Variants in CBR1 observed in about 807,000 individuals in gnomAD.
CBR1 encodes the protein carbonyl reductase 1.
CBR1 carries 11 observed loss-of-function variants against 10.6 expected under a neutral mutation model. That is an observed-to-expected ratio of 1.03 (90% CI 0.65 to 1.71). The LOEUF is 1.71. Ranked by LOEUF, CBR1 falls within the 40% of genes most tolerant of loss-of-function variation. The pLI, the probability that CBR1 is intolerant of heterozygous loss-of-function variation, is 0.00. For missense variants in CBR1, 361 were observed against 368.6 expected (o/e 0.98, Z 0.17); for synonymous variants, 158 against 156.7 (o/e 1.01, Z -0.06).
At position 36,072,963 on chromosome 21, in the gene CBR1, ATATCCT is replaced by A; in HGVS notation, c.*85_*90del. The A allele has an allele frequency of 1.1e-6, 1 of 905,878 alleles. No individual in the cohort carries two copies. The highest frequency in any genetic ancestry group is 2.5e-5 in the East Asian group (1 of 39,942). The allele number at this position is 905,878 out of a possible 1,614,324, so 56.1% of individuals were successfully genotyped here. On this transcript the variant is annotated 3_prime_UTR_variant, in exon 3 of 3. Coordinates refer to ENST00000290349, the MANE Select transcript of CBR1 (RefSeq NM_001757.4). ...CCAAAGGGCATTTACAATGTCATAAATATCCTTATATAAGAAAAAAAATGATCTCTT... is the reference window on the plus strand; with the variant it reads ...CCAAAGGGCATTTACAATGTCATAAATATATAAGAAAAAAAATGATCTCTT...
Position 36,070,343 on chromosome 21 carries a change from C to T in CBR1, c.228C>T (p.Phe76=), listed in dbSNP as rs142778878. The change falls in exon 1 of 3, where the codon TTC becomes TTT. Residue 76 remains phenylalanine, a synonymous_variant. Transcript: ENST00000290349. ...DLQSIRALRD[F]LRKEYGGLDV... ...AGAGCATCCGCGCCCTGCGCGACTTCCTGCGCAAGGAGTACGGGGGCCTGG... is the reference window on the plus strand; with the variant it reads ...AGAGCATCCGCGCCCTGCGCGACTTTCTGCGCAAGGAGTACGGGGGCCTGG... The T allele has an allele frequency of 3.1e-6, 5 of 1,613,364 alleles. No individual in the cohort carries two copies. In the East Asian group the frequency reaches 8.9e-5, roughly 29 times the overall value.
intron 2 of CBR1, 187 bp downstream of exon 2, chr21:36,071,244 C>T (rs769526133): frequency 1.4e-6 from 1 of 700,400 alleles, no homozygotes; most frequent in East Asian, 2.7e-5. Context: ...CTCCCACTCC[C>T]ATGGCCATTC....
Position 36,070,407 on chromosome 21 carries a change from A to G in CBR1, c.289+3A>G. 1 of 1,592,706 alleles carries G rather than the reference A, an allele frequency of 6.3e-7. No homozygotes were observed. Among genetic ancestry groups the G allele is most frequent in the Non-Finnish European group, 8.6e-7 (1 of 1,168,148 alleles). ...CAACGCGGGCATCGCCTTCAAGGGT[A>G]TGGGGAGGGGACGTGGCCTCCCCGA... On this transcript the variant is annotated splice_donor_region_variant and intron_variant, in intron 1 of 2. Coordinates refer to ENST00000290349, the MANE Select transcript of CBR1 (RefSeq NM_001757.4).
At position 36,071,756 on chromosome 21, in the gene CBR1, A is replaced by G. The variant is rs993828006; in HGVS notation, c.398-690A>G. 8 of 1,243,420 alleles carry G rather than the reference A, an allele frequency of 6.4e-6. No individual in the cohort carries two copies. In the African/African-American group the frequency reaches 1.0e-4, roughly 16 times the overall value. The allele number at this position is 1,243,420 out of a possible 1,614,324, so 77.0% of individuals were successfully genotyped here. ...AGGCCCTCACCTGTCCCTCTGGACA[A>G]TTGCAAACCCTCACAAGGCACCTCT... On this transcript the variant is annotated intron_variant, in intron 2 of 2. Transcript: ENST00000290349.
chr21:36,073,021 C>G lies in CBR1; in HGVS notation c.*139C>G. On this transcript the variant is annotated 3_prime_UTR_variant, in exon 3 of 3. Coordinates refer to ENST00000290349, the MANE Select transcript of CBR1 (RefSeq NM_001757.4). ...TCAATTAGCACTCACTAATGTACTA[C>G]TAATTGAGCAACCTACGCACTCAGT... The G allele has an allele frequency of 1.8e-6, 1 of 556,484 alleles. No homozygotes were observed. The highest frequency in any genetic ancestry group is 3.1e-5 in the South Asian group (1 of 32,676). The allele number at this position is 556,484 out of a possible 1,614,324, so 34.5% of individuals were successfully genotyped here. A position where few individuals can be genotyped will look rare whatever the true frequency, so the allele number is the denominator to read the frequency against.
rs1323588476 is a variant in CBR1 at position 36,071,060 on chromosome 21, G to T, written c.397+3G>T. On this transcript the variant is annotated splice_donor_region_variant and intron_variant, in intron 2 of 2. Coordinates refer to ENST00000290349, the MANE Select transcript of CBR1 (RefSeq NM_001757.4). ...ACTCCCTCTAATAAAACCCCAAGGT[G>T]AGTCTGATGGGAAACAGCGCACCTT... 2.5e-6 allele frequency: 4 copies of T among 1,583,532 alleles called. No homozygotes were observed. In the African/African-American group the frequency reaches 5.4e-5, roughly 21 times the overall value.
rs755543091 is a variant in CBR1 at position 36,072,927 on chromosome 21, C to T, written c.*45C>T. 5.0e-6 allele frequency: 7 copies of T among 1,404,482 alleles called. No individual in the cohort carries two copies. The highest frequency in any genetic ancestry group is 2.0e-6 in the Non-Finnish European group (2 of 1,020,646). The allele number at this position is 1,404,482 out of a possible 1,614,324, so 87.0% of individuals were successfully genotyped here. ...CCATGGGCCCCATTTTGTACCTTGT[C>T]CTGAGTTGGTCCAAAGGGCATTTAC... is the stretch of plus-strand genomic sequence containing the variant. On this transcript the variant is annotated 3_prime_UTR_variant, in exon 3 of 3. Transcript: ENST00000290349.
Position 36,070,405 on chromosome 21 carries a change from G to A in CBR1, c.289+1G>A, listed in dbSNP as rs74484583. 6.9e-6 allele frequency: 11 copies of A among 1,593,598 alleles called. No individual in the cohort carries two copies. Among genetic ancestry groups the A allele is most frequent in the African/African-American group, 1.3e-5 (1 of 74,524 alleles). ...AACAACGCGGGCATCGCCTTCAAGG[G>A]TATGGGGAGGGGACGTGGCCTCCCC... is the stretch of plus-strand genomic sequence containing the variant. On this transcript the variant is annotated splice_donor_variant, in intron 1 of 2. Coordinates refer to ENST00000290349, the MANE Select transcript of CBR1 (RefSeq NM_001757.4). LOFTEE classifies it high-confidence loss of function.
chr21:36,071,385 TTCTC>T, intron 2 of CBR1: 3 of 600,434 alleles, frequency 5.0e-6, no homozygotes, highest in Non-Finnish European at 8.9e-6. Context: ...CCTGTACCCT[TTCTC>T]TGCTCTTTCA....
intron 1 of CBR1, 66 bp from the exon 2 acceptor site, chr21:36,070,880 TAGTA>T: frequency 7.8e-6 from 7 of 894,372 alleles, no homozygotes; most frequent in East Asian, 5.5e-5. Flanking sequence ...TTTTTTTTTT[TAGTA>T]TCATTGTATA....
At chr21:36,071,969 C>T in intron 2 of CBR1, 1 of 1,535,790 alleles carries the variant, frequency 6.5e-7, no homozygotes, top group East Asian at 2.4e-5. Context: ...AGGTGCTGGA[C>T]ATGACTATCA....
In CBR1 at chr21:36,072,654, C is replaced by T. The variant is rs750436391; in HGVS notation, c.606C>T (p.Thr202=). 1.2e-5 allele frequency: 19 copies of T among 1,612,564 alleles called. No individual in the cohort carries two copies. Among genetic ancestry groups the T allele is most frequent in the Middle Eastern group, 1.6e-4 (1 of 6,074 alleles). The change falls in exon 3 of 3, where the codon ACC becomes ACT. Residue 202 remains threonine, a synonymous_variant. Coordinates refer to ENST00000290349, the MANE Select transcript of CBR1 (RefSeq NM_001757.4). ...SAYGVTKIGV[T]VLSRIHARKL... The stretch of plus-strand genomic sequence containing the variant: ...ACGGGGTGACGAAGATTGGCGTCAC[C>T]GTTCTGTCCAGGATCCACGCCAGGA...
At chr21:36,072,041 C>G (rs2065355435) in intron 2 of CBR1, 1 of 1,498,572 alleles carries the variant, frequency 6.7e-7, no homozygotes, top group East Asian at 2.5e-5. Context: ...GAGATGAACC[C>G]ACCCATTAAA....
rs2065351873 is a variant in CBR1, at chr21:36,071,509, T to C, written c.397+452T>C. On this transcript the variant is annotated intron_variant, in intron 2 of 2. Transcript: ENST00000290349. ...CCTTAAGCTCCCAACCACATGGTTG[T>C]CTTGCTGCCTTTCCATCTCTTCCTG... is the stretch of plus-strand genomic sequence containing the variant. The C allele has an allele frequency of 7.1e-6, 4 of 560,198 alleles. No individual in the cohort carries two copies. The Admixed American group carries it at 1.3e-4, about 18-fold the overall frequency. The allele number at this position is 560,198 out of a possible 1,614,324, so 34.7% of individuals were successfully genotyped here.
In CBR1 at chr21:36,070,207, G is replaced by T. The variant is rs757086930; in HGVS notation, c.92G>T (p.Gly31Val). 6.2e-7 allele frequency: 1 copy of T among 1,608,072 alleles called. No individual in the cohort carries two copies. Among genetic ancestry groups the T allele is most frequent in the African/African-American group, 1.3e-5 (1 of 74,800 alleles). The change falls in exon 1 of 3, where the codon GGG (glycine) becomes GTG (valine). Residue 31 changes from glycine (G) to valine (V), a missense_variant. Transcript: ENST00000290349. ...CGCGACCTGTGCCGGCTGTTCTCGGGGGACGTGGTGCTCACGGCGCGGGAC... is the reference window on the plus strand; with the variant it reads ...CGCGACCTGTGCCGGCTGTTCTCGGTGGACGTGGTGCTCACGGCGCGGGAC... The part of the protein sequence containing the change: ...IVRDLCRLFS[G>V]DVVLTARDVT...
rs199962768 is a variant in CBR1 at position 36,072,484 on chromosome 21, G to C, written c.436G>C (p.Ala146Pro). The change falls in exon 3 of 3, where the codon GCC (alanine) becomes CCC (proline). Residue 146 changes from alanine to proline, a missense_variant. Coordinates refer to ENST00000290349, the MANE Select transcript of CBR1 (RefSeq NM_001757.4). ...CGTATCTAGCATCATGAGCGTCAGA[G>C]CCCTTAAAAGCTGCAGCCCAGAGCT... The part of the protein sequence containing the change: ...VNVSSIMSVR[A>P]LKSCSPELQQ... The C allele has an allele frequency of 6.2e-7, 1 of 1,613,710 alleles. No individual in the cohort carries two copies. The highest frequency in any genetic ancestry group is 1.7e-5 in the Admixed American group (1 of 59,960).
At chr21:36,070,853 GTTTTTT>G (rs66638540) in intron 1 of CBR1, 91 bp from the exon 2 acceptor site, 4 of 509,230 alleles carry the variant, frequency 7.9e-6, no homozygotes, top group East Asian at 7.3e-5. Flanking sequence ...AGGGCACTAA[GTTTTTT>G]TTTTTTTTTT....
chr21:36,072,806 A>C lies in CBR1; in HGVS notation c.758A>C (p.Tyr253Ser), dbSNP rs146879523. 70 of 1,614,022 alleles carry C rather than the reference A, an allele frequency of 4.3e-5. No individual in the cohort carries two copies. In the African/African-American group the frequency reaches 9.2e-4, roughly 21 times the overall value. ...GAAGAAGGTGCAGAGACCCCTGTGT[A>C]CTTGGCCCTTTTGCCCCCAGATGCT... is the stretch of plus-strand genomic sequence containing the variant. ...SPEEGAETPVYLALLPPDAEG... is the reference protein window; with the variant it reads ...SPEEGAETPVSLALLPPDAEG... The change falls in exon 3 of 3, where the codon TAC (tyrosine) becomes TCC (serine). Residue 253 changes from tyrosine to serine, a missense_variant. Transcript: ENST00000290349.
intron 2 of CBR1, chr21:36,072,214 G>T: frequency 6.4e-7 from 1 of 1,550,576 alleles, no homozygotes; most frequent in Non-Finnish European, 8.7e-7. Flanking sequence ...GGACCTCAAA[G>T]GGCAGCTCTT....
Sources: allele counts gnomAD v4.1 joint callset, GRCh38; gene constraint gnomAD v4.1.1; transcripts MANE v1.5; gene names NCBI Gene and HGNC (gene_info 2026-07-23, HGNC 2026-07-21).